The following DLGAP1 variants were observed in gnomAD, a reference collection of about 807,000 sequenced individuals.
DLGAP1 encodes disks large-associated protein 1.
Under a neutral mutation model 90.8 loss-of-function variants are expected in DLGAP1, and 11 were observed. The observed-to-expected ratio is 0.12, with a 90% CI of 0.08 to 0.20. DLGAP1 has a LOEUF of 0.20. DLGAP1 is among the 10% of genes least tolerant of loss of function. The pLI is 1.00. For synonymous variants in DLGAP1, 558 were observed against 540.7 expected (o/e 1.03, Z -0.44); for missense variants, 1,050 against 1,333.8 (o/e 0.79, Z 3.31).
chr18:3,833,240 C>CCTTCCTTCCTT lies in DLGAP1; in HGVS notation c.958-18968_958-18967insAAGGAAGGAAG, dbSNP rs1568210956. 2.7e-4 allele frequency among the ~76,000 whole-genome samples: 35 copies of CCTTCCTTCCTT among 130,100 alleles called. 1 individual carries two copies. Among genetic ancestry groups the CCTTCCTTCCTT allele is most frequent in the Non-Finnish European group, 4.5e-4 (28 of 62,214 alleles). 85.4% of individuals were successfully genotyped at this position (130,100 alleles called of 152,430 possible). A position where few individuals can be genotyped will look rare whatever the true frequency, so the allele number is the denominator to read the frequency against. The stretch of plus-strand genomic sequence containing the variant: ...TTCCTTCCTTCCTTCCTTCCTTCCT[C>CCTTCCTTCCTT]CTTGTTTTTTTTTGACAGGGTCTCA... On this transcript the variant is annotated intron_variant, in intron 4 of 12. Transcript: ENST00000315677.
chr18:3,602,473 T>C (rs1017452115), intron 7 of DLGAP1, among the ~76,000 whole-genome samples: 1 of 150,782 alleles, frequency 6.6e-6, no homozygotes, highest in Admixed American at 6.6e-5. Flanking sequence ...CGGGCGCCTG[T>C]AGTCCCAGCT....
intron 2 of DLGAP1, among the ~76,000 whole-genome samples, chr18:4,140,356 A>G (rs892489380): frequency 2.6e-5 from 4 of 151,978 alleles, no homozygotes; most frequent in Non-Finnish European, 4.4e-5. Flanking sequence ...TGACAACTTA[A>G]CACTGATTGT....
intron 3 of DLGAP1, among the ~76,000 whole-genome samples, chr18:3,960,012 G>A (rs1472348416): frequency 6.6e-6 from 1 of 152,100 alleles, no homozygotes; most frequent in African/African-American, 2.4e-5. Context: ...GAGGTCTAGC[G>A]TCTCTCCCTT....
At chr18:4,348,034 C>T (rs573434348) in intron 1 of DLGAP1, among the ~76,000 whole-genome samples, 2 of 151,980 alleles carry the variant, frequency 1.3e-5, no homozygotes, top group African/African-American at 4.8e-5. Context: ...AAATAAATAA[C>T]CACAGTGAAG....
At chr18:3,563,592 C>T (rs1285016286) in intron 9 of DLGAP1, among the ~76,000 whole-genome samples, 1 of 152,070 alleles carries the variant, frequency 6.6e-6, no homozygotes. Flanking sequence ...ACCTCATCCT[C>T]CCAAGTAGCT....
chr18:3,691,433 A>C (rs1010135161), intron 7 of DLGAP1, among the ~76,000 whole-genome samples: 8 of 152,078 alleles, frequency 5.3e-5, no homozygotes, highest in Admixed American at 1.3e-4. Context: ...TCTCAAAAAA[A>C]AAAAAAAAAT....
chr18:3,990,588 C>T (rs1210217431), intron 3 of DLGAP1, among the ~76,000 whole-genome samples: 1 of 149,838 alleles, frequency 6.7e-6, no homozygotes, highest in Admixed American at 6.7e-5. Context: ...ACATATGTAA[C>T]AAACCTGCAC....
rs1555621484 is a variant in DLGAP1 at position 4,454,406 on chromosome 18, T to TTCTCTCTCTC, written c.-267+590_-267+599dup. On this transcript the variant is annotated intron_variant, in intron 1 of 12. Transcript: ENST00000315677. This position sits in a 1 kb window ranked among gnomAD's most constrained non-coding sequence, Gnocchi z 4.7. ...CAGTGACCTCCTCCTTGGACCCCAT[T>TTCTCTCTCTC]TCTCTCTCTCTCTCTCTCTCTGTGC... 2.1e-4 allele frequency among the ~76,000 whole-genome samples: 31 copies of TTCTCTCTCTC among 150,646 alleles called. No individual in the cohort carries two copies. Among genetic ancestry groups the TTCTCTCTCTC allele is most frequent in the Admixed American group, 9.2e-4 (14 of 15,160 alleles).
At chr18:4,287,086 A>T (rs1047961894) in intron 1 of DLGAP1, among the ~76,000 whole-genome samples, 3 of 152,198 alleles carry the variant, frequency 2.0e-5, no homozygotes, top group South Asian at 2.1e-4. Flanking sequence ...AAAAGCATAT[A>T]TAGTAGATCT....
chr18:4,072,835 A>C (rs1019166696), intron 2 of DLGAP1, among the ~76,000 whole-genome samples: 4 of 152,186 alleles, frequency 2.6e-5, no homozygotes, highest in African/African-American at 9.7e-5. Flanking sequence ...CAACTATCTC[A>C]ACAGCCTCAT....
chr18:3,820,458 C>A lies in DLGAP1; in HGVS notation c.958-6185G>T, dbSNP rs556261670. 3.9e-5 allele frequency among the ~76,000 whole-genome samples: 6 copies of A among 152,256 alleles called. No homozygotes were observed. In the South Asian group the frequency reaches 1.0e-3, roughly 26 times the overall value. On this transcript the variant is annotated intron_variant, in intron 4 of 12. Transcript: ENST00000315677. ...TTTGGTGAAAACAAAGGCAGTAGAG[C>A]AAGGAAAAGTAGCAATTGAATGGTG... is the stretch of plus-strand genomic sequence containing the variant.
intron 2 of DLGAP1, among the ~76,000 whole-genome samples, chr18:4,057,923 C>G (rs186595453): frequency 6.6e-6 from 1 of 152,276 alleles, no homozygotes; most frequent in East Asian, 1.9e-4. Context: ...AGGGATGATT[C>G]CTCTCAGCCA....
intron 2 of DLGAP1, among the ~76,000 whole-genome samples, chr18:4,089,377 C>A (rs1191112356): frequency 6.6e-6 from 1 of 152,094 alleles, no homozygotes; most frequent in Non-Finnish European, 1.5e-5. Flanking sequence ...GCCATACTGC[C>A]CAAAGTAATT....
At chr18:3,843,521 G>T (rs974929766) in intron 4 of DLGAP1, among the ~76,000 whole-genome samples, 1 of 152,192 alleles carries the variant, frequency 6.6e-6, no homozygotes, top group African/African-American at 2.4e-5. Flanking sequence ...TCAATCTATA[G>T]GTTCTGAATT....
intron 11 of DLGAP1, among the ~76,000 whole-genome samples, chr18:3,508,227 A>T (rs1217195043): frequency 1.3e-5 from 2 of 152,200 alleles, no homozygotes; most frequent in African/African-American, 4.8e-5. Flanking sequence ...TTTGGGCAAT[A>T]TTATTTTTGA....
chr18:4,015,789 AC>A (rs1191291485), intron 2 of DLGAP1, among the ~76,000 whole-genome samples: 2 of 152,348 alleles, frequency 1.3e-5, no homozygotes, highest in African/African-American at 4.8e-5. Flanking sequence ...CTTAATGTCA[AC>A]AATTGCATAG....
intron 10 of DLGAP1, among the ~76,000 whole-genome samples, chr18:3,523,659 A>C (rs577293943): frequency 1.1e-4 from 16 of 152,112 alleles, no homozygotes; most frequent in South Asian, 1.0e-3. Context: ...CATCCTGGCT[A>C]ACACGGTGAA....
intron 7 of DLGAP1, among the ~76,000 whole-genome samples, chr18:3,676,201 G>GC (rs1378251246): frequency 3.9e-5 from 6 of 152,182 alleles, no homozygotes; most frequent in Non-Finnish European, 7.3e-5. Flanking sequence ...AGATGGCGCA[G>GC]CCCAAGGAGA....
chr18:3,842,959 T>C (rs1442603606), intron 4 of DLGAP1, among the ~76,000 whole-genome samples: 1 of 152,224 alleles, frequency 6.6e-6, no homozygotes, highest in Non-Finnish European at 1.5e-5. Flanking sequence ...TCCACAAGGA[T>C]GAGCTTCACG....
Sources: gnomAD v4.1 joint callset for allele counts (sites outside exome capture counted in the v4.1 genomes callset) on GRCh38, gnomAD v4.1.1 for gene constraint, Gnocchi (gnomAD v3.1) non-coding constraint, MANE v1.5 for transcripts, NCBI Gene and HGNC (gene_info 2026-07-23, HGNC 2026-07-21) for gene names.